CDKAL1: variants seen among roughly 807,000 people sequenced by gnomAD.
The protein encoded by CDKAL1 is CDKAL1 threonylcarbamoyladenosine tRNA methylthiotransferase.
A neutral mutation model predicts 68.2 loss-of-function variants in CDKAL1; 32 were observed. That is an observed-to-expected ratio of 0.47 (90% CI 0.35 to 0.63). The LOEUF (loss-of-function observed/expected upper bound fraction) is 0.63. Among genes scored for constraint, CDKAL1 ranks in the 30% least tolerant of loss-of-function variants. The pLI, the probability that CDKAL1 is intolerant of heterozygous loss-of-function variation, is 0.00. For missense variants in CDKAL1, 606 were observed against 696.7 expected (o/e 0.87, Z 1.47); for synonymous variants, 234 against 244.3 (o/e 0.96, Z 0.39).
chr6:20,823,569 G>A (rs1777377436), intron 8 of CDKAL1, among the ~76,000 whole-genome samples: 1 of 152,146 alleles, frequency 6.6e-6, no homozygotes, highest in Admixed American at 6.6e-5. Flanking sequence ...GCTCTGTGAG[G>A]CTGAAGCAAA....
chr6:20,730,794 A>G (rs573153991), intron 5 of CDKAL1, among the ~76,000 whole-genome samples: 1 of 150,008 alleles, frequency 6.7e-6, no homozygotes, highest in South Asian at 2.1e-4. Context: ...CAGTGAGCTG[A>G]GATCACACCA....
chr6:20,757,389 A>C (rs2150348008), intron 6 of CDKAL1, among the ~76,000 whole-genome samples: 2 of 152,310 alleles, frequency 1.3e-5, no homozygotes, highest in East Asian at 3.9e-4. Context: ...GAGAGATAGT[A>C]AGGTGAATGA....
At chr6:20,993,641 A>T (rs1167660279) in intron 10 of CDKAL1, 1 of 152,232 alleles carries the variant, frequency 6.6e-6, no homozygotes. Context: ...GAATTTGATG[A>T]CTATAGGGCA....
intron 7 of CDKAL1, among the ~76,000 whole-genome samples, chr6:20,780,821 C>T (rs1169167063): frequency 6.6e-6 from 1 of 151,674 alleles, no homozygotes; most frequent in Admixed American, 6.6e-5. Flanking sequence ...TTACAGGCGC[C>T]CGCCACCACA....
chr6:20,804,272 T>C (rs1776478186), intron 8 of CDKAL1, among the ~76,000 whole-genome samples: 1 of 152,188 alleles, frequency 6.6e-6, no homozygotes, highest in Non-Finnish European at 1.5e-5. Context: ...GAAACAGTTG[T>C]GAATTAGTTG....
chr6:20,574,257 A>T (rs547437962), intron 4 of CDKAL1, among the ~76,000 whole-genome samples: 4 of 152,146 alleles, frequency 2.6e-5, no homozygotes, highest in Non-Finnish European at 5.9e-5. Flanking sequence ...AATGGGGCCT[A>T]TTATTCCTGA....
At chr6:20,832,930 C>T (rs1293355506) in intron 8 of CDKAL1, among the ~76,000 whole-genome samples, 1 of 152,062 alleles carries the variant, frequency 6.6e-6, no homozygotes, top group Non-Finnish European at 1.5e-5. Context: ...ATTAAATGGT[C>T]CTGAGTGCAA....
intron 8 of CDKAL1, among the ~76,000 whole-genome samples, chr6:20,821,820 A>G (rs1301217925): frequency 6.6e-6 from 1 of 152,204 alleles, no homozygotes; most frequent in Non-Finnish European, 1.5e-5. Context: ...TTAACTTGGT[A>G]CCTGACATAA....
intron 9 of CDKAL1, among the ~76,000 whole-genome samples, chr6:20,944,809 G>C (rs911769139): frequency 4.6e-5 from 7 of 152,136 alleles, no homozygotes; most frequent in African/African-American, 1.7e-4. Flanking sequence ...TTATTATAAT[G>C]GTATTAAAAT....
At chr6:20,728,818 T>C (rs979289088) in intron 5 of CDKAL1, among the ~76,000 whole-genome samples, 14 of 152,230 alleles carry the variant, frequency 9.2e-5, no homozygotes, top group African/African-American at 3.4e-4. Flanking sequence ...AAACACGTTG[T>C]GGAAACATTT....
chr6:21,177,490 C>A (rs763225178), intron 13 of CDKAL1, among the ~76,000 whole-genome samples: 1 of 152,162 alleles, frequency 6.6e-6, no homozygotes, highest in Non-Finnish European at 1.5e-5. Context: ...TTAGAAGCCT[C>A]AGTTTATGAG....
At chr6:21,035,795 A>G (rs1437397153) in intron 11 of CDKAL1, among the ~76,000 whole-genome samples, 2 of 152,126 alleles carry the variant, frequency 1.3e-5, no homozygotes, top group African/African-American at 4.8e-5. Flanking sequence ...TTTCACACAG[A>G]TTCTTGCTGC....
At chr6:20,858,757 A>C (rs1759466561) in intron 9 of CDKAL1, among the ~76,000 whole-genome samples, 1 of 152,156 alleles carries the variant, frequency 6.6e-6, no homozygotes, top group Admixed American at 6.5e-5. Flanking sequence ...GTTGATAATA[A>C]CTCAGAAAAT....
intron 4 of CDKAL1, among the ~76,000 whole-genome samples, chr6:20,641,554 G>A (rs1768174764): frequency 6.6e-6 from 1 of 152,194 alleles, no homozygotes; most frequent in African/African-American, 2.4e-5. Flanking sequence ...GCTTAGAACA[G>A]AATTTCCCTT....
intron 8 of CDKAL1, among the ~76,000 whole-genome samples, chr6:20,805,653 G>T (rs1776542187): frequency 6.6e-6 from 1 of 152,138 alleles, no homozygotes. Flanking sequence ...CCAATTCACA[G>T]GAGGGCAACA....
At chr6:20,973,704 A>C (rs1329902280) in intron 10 of CDKAL1, among the ~76,000 whole-genome samples, 1 of 152,104 alleles carries the variant, frequency 6.6e-6, no homozygotes, top group Non-Finnish European at 1.5e-5. Flanking sequence ...TCTCGGGTTC[A>C]AGTGATCCTC....
At chr6:20,640,133 G>A (rs180702405) in intron 4 of CDKAL1, among the ~76,000 whole-genome samples, 1 of 152,302 alleles carries the variant, frequency 6.6e-6, no homozygotes, top group East Asian at 1.9e-4. Context: ...CACTTAAAAT[G>A]TTTGGACTTG....
chr6:21,036,516 C>T (rs756839276), intron 11 of CDKAL1, among the ~76,000 whole-genome samples: 4 of 152,136 alleles, frequency 2.6e-5, no homozygotes, highest in Admixed American at 2.6e-4. Context: ...ACTACTGGCT[C>T]AAGGACGTAT....
intron 10 of CDKAL1, among the ~76,000 whole-genome samples, chr6:20,998,628 A>G (rs1215696435): frequency 2.0e-5 from 3 of 151,876 alleles, no homozygotes; most frequent in East Asian, 1.9e-4. Flanking sequence ...GAAAAAAGAA[A>G]AAAAAAAAAA....
Sources: gnomAD v4.1 joint callset for allele counts (sites outside exome capture counted in the v4.1 genomes callset) on GRCh38, gnomAD v4.1.1 for gene constraint, MANE v1.5 for transcripts, NCBI Gene and HGNC (gene_info 2026-07-23, HGNC 2026-07-21) for gene names.